The following DBT variants were observed in gnomAD, a reference collection of about 807,000 sequenced individuals.
DBT encodes the protein lipoamide acyltransferase component of branched-chain alpha-keto acid dehydrogenase complex, mitochondrial.
Under a neutral mutation model 51.3 loss-of-function variants are expected in DBT, and 40 were observed. The observed-to-expected ratio is 0.78, with a 90% CI of 0.61 to 1.02. The LOEUF is 1.02. Among genes scored for constraint, DBT ranks in the 50% least tolerant of loss-of-function variants. The probability of loss-of-function intolerance (pLI) is 0.00; values close to 1 mark genes in which losing one functional copy is unlikely to be tolerated. For synonymous variants in DBT, 181 were observed against 190.4 expected, an observed-to-expected ratio of 0.95 and a Z score of 0.41; for missense variants, 510 against 580.2, an observed-to-expected ratio of 0.88 and a Z score of 1.24.
chr1:100,200,767 G>C (rs1334014059), intron 10 of DBT, among the ~76,000 whole-genome samples: 1 of 152,164 alleles, frequency 6.6e-6, no homozygotes, highest in Non-Finnish European at 1.5e-5. Context: ...AGGCAAACAG[G>C]GTCTGGAATG....
chr1:100,208,492 C>T (rs1440387309), intron 8 of DBT, among the ~76,000 whole-genome samples: 1 of 152,124 alleles, frequency 6.6e-6, no homozygotes, highest in Non-Finnish European at 1.5e-5. Flanking sequence ...GTTGAGTACA[C>T]ACTGTTTATA....
rs147775797 is a variant in DBT at position 100,249,785 on chromosome 1, C to T, written c.36G>A (p.Arg12=). The change falls in exon 1 of 11, where the codon AGG becomes AGA. Residue 12 remains arginine (R), a synonymous_variant. Coordinates refer to ENST00000370132, the MANE Select transcript of DBT (RefSeq NM_001918.5). The stretch of plus-strand genomic sequence containing the variant: ...ACGTGCTTACCAGCTTCCCCGCATT[C>T]CTGCTCCAGGTTCTCAGCATACGGA... ...AAVRMLRTWS[R]NAGKLICVRY... 1 of 1,614,230 alleles carries T rather than the reference C, an allele frequency of 6.2e-7. No individual in the cohort carries two copies. Among genetic ancestry groups the T allele is most frequent in the East Asian group, 2.2e-5 (1 of 44,888 alleles).
At chr1:100,202,996 G>A (rs918820499) in intron 10 of DBT, among the ~76,000 whole-genome samples, 4 of 152,016 alleles carry the variant, frequency 2.6e-5, no homozygotes, top group Non-Finnish European at 5.9e-5. Context: ...AAGAAAGCAG[G>A]AAAGATCTAA....
chr1:100,213,240 C>G (rs1046233554), intron 7 of DBT: 1 of 1,154,684 alleles, frequency 8.7e-7, no homozygotes, highest in African/African-American at 1.7e-5. Flanking sequence ...CCCGAGCCAC[C>G]CGGGGCGTGC....
At chr1:100,203,166 T>C (rs1042244055) in intron 10 of DBT, among the ~76,000 whole-genome samples, 2 of 152,132 alleles carry the variant, frequency 1.3e-5, no homozygotes, top group African/African-American at 4.8e-5. Context: ...CAGGAGCCGG[T>C]TTTTTGAAAA....
At chr1:100,211,556 T>TA (rs1292806614) in intron 7 of DBT, among the ~76,000 whole-genome samples, 1 of 152,158 alleles carries the variant, frequency 6.6e-6, no homozygotes, top group Non-Finnish European at 1.5e-5. Flanking sequence ...TGGTCCCTGT[T>TA]AAAGTTCTTT....
chr1:100,220,176 G>A (rs189988910), intron 4 of DBT, among the ~76,000 whole-genome samples: 146 of 152,102 alleles, frequency 9.6e-4, no homozygotes, highest in Non-Finnish European at 1.8e-3. Context: ...AAGAACTGCT[G>A]TGGCTAATGC....
chr1:100,187,869 T>C lies in DBT; in HGVS notation c.*8386A>G, dbSNP rs1660638695. 1.3e-5 allele frequency: 2 copies of C among 152,210 alleles called. No homozygotes were observed. Among genetic ancestry groups the C allele is most frequent in the Non-Finnish European group, 2.9e-5 (2 of 68,038 alleles). 9.4% of individuals were successfully genotyped at this position (152,210 alleles called of 1,614,324 possible). Reference sequence around the variant, plus strand: ...TGGAAGCTGTGACAAATTTTTGTATTTAGAAAGTATGACAATCTGAAAATC... The same window carrying C: ...TGGAAGCTGTGACAAATTTTTGTATCTAGAAAGTATGACAATCTGAAAATC... On this transcript the variant is annotated 3_prime_UTR_variant, in exon 11 of 11. Coordinates refer to ENST00000370132, the MANE Select transcript of DBT (RefSeq NM_001918.5).
At chr1:100,215,432 T>A (rs939820318) in intron 6 of DBT, among the ~76,000 whole-genome samples, 1 of 152,260 alleles carries the variant, frequency 6.6e-6, no homozygotes, top group Non-Finnish European at 1.5e-5. Context: ...TATACAAGTT[T>A]ATATTTCAAG....
At chr1:100,204,235 G>A (rs1384599017) in intron 10 of DBT, among the ~76,000 whole-genome samples, 1 of 152,170 alleles carries the variant, frequency 6.6e-6, no homozygotes, top group African/African-American at 2.4e-5. Flanking sequence ...TCCTTAAGCT[G>A]ATAAGCAACT....
intron 3 of DBT, among the ~76,000 whole-genome samples, chr1:100,231,718 G>T (rs545101954): frequency 6.6e-6 from 1 of 152,106 alleles, no homozygotes; most frequent in Non-Finnish European, 1.5e-5. Flanking sequence ...CTGAAAATCT[G>T]CTCTTCCATA....
At chr1:100,223,074 G>A (rs1013111638) in intron 4 of DBT, among the ~76,000 whole-genome samples, 1 of 152,094 alleles carries the variant, frequency 6.6e-6, no homozygotes, top group Non-Finnish European at 1.5e-5. Context: ...AAAATCAAAC[G>A]CAGAATTGTA....
At chr1:100,206,132 C>A in intron 10 of DBT, 98 bp downstream of exon 10, 3 of 788,970 alleles carry the variant, frequency 3.8e-6, no homozygotes, top group South Asian at 1.6e-5. Context: ...AACTTAAAAC[C>A]TACAAAAGGA....
chr1:100,219,818 C>T (rs888602948), intron 4 of DBT, among the ~76,000 whole-genome samples: 2 of 151,968 alleles, frequency 1.3e-5, no homozygotes, highest in African/African-American at 2.4e-5. Context: ...TGATATAGTA[C>T]GTAAAAGTTT....
At chr1:100,248,958 T>C (rs1242479515) in intron 1 of DBT, 4 of 290,050 alleles carry the variant, frequency 1.4e-5, no homozygotes, top group Non-Finnish European at 2.1e-5. Flanking sequence ...CACCACAAGG[T>C]TGTAATCTCT....
In DBT at chr1:100,235,506, G is replaced by A. The variant is rs181239040; in HGVS notation, c.181C>T (p.Arg61Cys). 18 of 1,571,806 alleles carry A rather than the reference G, an allele frequency of 1.1e-5. No individual in the cohort carries two copies. The highest frequency in any genetic ancestry group is 5.4e-5 in the African/African-American group (4 of 73,998). Residue 61 changes from arginine (R) to cysteine (C), a missense_variant, in exon 3 of 11, where the codon CGT becomes TGT. Arg to Cys is a radical substitution (Grantham distance 180, BLOSUM62 -3). Coordinates refer to ENST00000370132, the MANE Select transcript of DBT (RefSeq NM_001918.5). ...AGCTTGAACTGAACAACCTGTCCAC[G>A]GAGAGCTTCAAAGACAAATGAGAAA... ...HHFLKTTAAL[R>C]GQVVQFKLSD... is the part of the protein sequence containing the mutation.
In DBT at chr1:100,206,259, C is replaced by A. The variant is rs1409537998; in HGVS notation, c.1252G>T (p.Val418Leu). 11 of 1,612,038 alleles carry A rather than the reference C, an allele frequency of 6.8e-6. No individual in the cohort carries two copies. The highest frequency in any genetic ancestry group is 9.3e-6 in the Non-Finnish European group (11 of 1,179,330). Residue 418 changes from valine to leucine, a missense_variant, in exon 10 of 11, where the codon GTA becomes TTA. Transcript: ENST00000370132. Reference sequence around the variant, plus strand: ...ATTGATCCAAGGGCCCCAATGGCTACTTCAGGTGGCATTATCACTGGTTTG... The same window carrying A: ...ATTGATCCAAGGGCCCCAATGGCTAATTCAGGTGGCATTATCACTGGTTTG... The part of the protein sequence containing the change: ...FAKPVIMPPE[V>L]AIGALGSIKA...
intron 8 of DBT, among the ~76,000 whole-genome samples, chr1:100,209,474 C>G (rs1451335594): frequency 1.3e-5 from 2 of 152,102 alleles, no homozygotes; most frequent in Non-Finnish European, 2.9e-5. Context: ...AAAATTAATA[C>G]AGCTGACTGT....
intron 7 of DBT, among the ~76,000 whole-genome samples, chr1:100,212,986 G>A (rs1312693303): frequency 6.6e-6 from 1 of 152,194 alleles, no homozygotes; most frequent in Non-Finnish European, 1.5e-5. Flanking sequence ...GACCAGTCTT[G>A]GTGCAGTGTA....
Sources: gnomAD v4.1 joint callset for allele counts (sites outside exome capture counted in the v4.1 genomes callset) on GRCh38, gnomAD v4.1.1 for gene constraint, MANE v1.5 for transcripts, NCBI Gene and HGNC (gene_info 2026-07-23, HGNC 2026-07-21) for gene names.